Variants in EPHA6 observed in about 807,000 individuals in gnomAD.
EPHA6 encodes the protein EPH receptor A6.
EPHA6 carries 50 observed loss-of-function variants against 112.0 expected under a neutral mutation model. That is an observed-to-expected ratio of 0.45 (90% CI 0.36 to 0.56). The LOEUF (loss-of-function observed/expected upper bound fraction) is 0.56, where lower values mean the gene tolerates loss of function less well. Among genes scored for constraint, EPHA6 ranks in the 20% least tolerant of loss-of-function variants. The probability of loss-of-function intolerance (pLI) is 0.00; values close to 1 mark genes in which losing one functional copy is unlikely to be tolerated. For synonymous variants in EPHA6, 529 were observed against 490.7 expected, an observed-to-expected ratio of 1.08 and a Z score of -1.03; for missense variants, 1,280 against 1,417.4, an observed-to-expected ratio of 0.90 and a Z score of 1.56.
intron 2 of EPHA6, among the ~76,000 whole-genome samples, chr3:96,877,534 A>G (rs1229214198): frequency 1.3e-5 from 2 of 152,068 alleles, no homozygotes; most frequent in African/African-American, 2.4e-5. Context: ...TGTAATTAAG[A>G]TGAGAATAAA....
chr3:97,657,792 T>C lies in EPHA6; in HGVS notation c.2784+19710T>C, dbSNP rs141382269. Among the ~76,000 whole-genome samples the C allele has an allele frequency of 7.1e-4, 108 of 151,970 alleles. 2 individuals are homozygous for C. The East Asian group carries it at 0.02, about 29-fold the overall frequency. ...GCCCCTGAAATTCATTTTTATTCAG[T>C]ATGTCTGAGGGAAGAATAGCAAGAA... On this transcript the variant is annotated intron_variant, in intron 14 of 17. Transcript: ENST00000389672.
At chr3:97,727,445 G>A (rs9876681) in intron 15 of EPHA6, among the ~76,000 whole-genome samples, 149,263 of 152,118 alleles carry the variant, frequency 0.98, 73,253 homozygotes, top group East Asian at 0.99. Flanking sequence ...ACCTTTCTCA[G>A]TTATGGGTCA....
At chr3:97,324,869 A>T (rs1018126731) in intron 5 of EPHA6, among the ~76,000 whole-genome samples, 9 of 152,048 alleles carry the variant, frequency 5.9e-5, no homozygotes, top group African/African-American at 1.9e-4. Flanking sequence ...AGAAAAATAT[A>T]TGATGAATTT....
At chr3:97,624,007 T>C (rs1353672687) in intron 13 of EPHA6, among the ~76,000 whole-genome samples, 1 of 149,020 alleles carries the variant, frequency 6.7e-6, no homozygotes, top group East Asian at 1.9e-4. Context: ...GAATGTGAAT[T>C]CTAGGGTGGA....
At chr3:97,114,083 A>G (rs1343516913) in intron 3 of EPHA6, among the ~76,000 whole-genome samples, 1 of 152,106 alleles carries the variant, frequency 6.6e-6, no homozygotes, top group Non-Finnish European at 1.5e-5. Flanking sequence ...CTATTCATTC[A>G]GAATACAACA....
At chr3:97,174,496 A>C (rs1158607218) in intron 3 of EPHA6, among the ~76,000 whole-genome samples, 2 of 151,958 alleles carry the variant, frequency 1.3e-5, no homozygotes, top group Non-Finnish European at 2.9e-5. Flanking sequence ...TAGTGCTTGC[A>C]CTAATTTACA....
intron 15 of EPHA6, among the ~76,000 whole-genome samples, chr3:97,727,162 A>G (rs1238829625): frequency 6.6e-6 from 1 of 152,042 alleles, no homozygotes; most frequent in African/African-American, 2.4e-5. Flanking sequence ...GTTTACTAGA[A>G]AACAGGATGC....
At position 97,478,467 on chromosome 3, in the gene EPHA6, A is replaced by C. The variant is rs115255028; in HGVS notation, c.2004-827A>C. On this transcript the variant is annotated intron_variant, in intron 8 of 17. Transcript: ENST00000389672. ...CACTTCAAAGGAGAATTTAATGATG[A>C]AGAAAAATTTGTGCTAAATTATTTT... Among the ~76,000 whole-genome samples the C allele has an allele frequency of 5.3e-3, 807 of 152,242 alleles. 7 individuals are homozygous for C. Among genetic ancestry groups the C allele is most frequent in the African/African-American group, 0.018 (738 of 41,572 alleles).
chr3:97,496,421 C>G (rs554388285), intron 10 of EPHA6, among the ~76,000 whole-genome samples: 104 of 152,250 alleles, frequency 6.8e-4, no homozygotes, highest in African/African-American at 2.4e-3. Flanking sequence ...GTCTATTTTA[C>G]AGATACGAAA....
At chr3:96,984,926 C>G in intron 2 of EPHA6, among the ~76,000 whole-genome samples, 1 of 152,186 alleles carries the variant, frequency 6.6e-6, no homozygotes, top group East Asian at 1.9e-4. Flanking sequence ...GGGAGTGACC[C>G]AATTTTCCAG....
chr3:97,359,685 T>G (rs1168607226), intron 5 of EPHA6, among the ~76,000 whole-genome samples: 6 of 152,166 alleles, frequency 3.9e-5, no homozygotes, highest in Non-Finnish European at 5.9e-5. Flanking sequence ...AACTTGACAT[T>G]TGAATCTAAT....
At chr3:97,658,312 A>G (rs2094148595) in intron 14 of EPHA6, among the ~76,000 whole-genome samples, 1 of 151,688 alleles carries the variant, frequency 6.6e-6, no homozygotes, top group Non-Finnish European at 1.5e-5. Context: ...TAATGTATCC[A>G]TGACAATTAT....
intron 5 of EPHA6, among the ~76,000 whole-genome samples, chr3:97,393,278 T>G (rs1011432462): frequency 1.3e-5 from 2 of 151,836 alleles, no homozygotes; most frequent in African/African-American, 4.8e-5. Context: ...TTTTCCCTCA[T>G]ATTTCAAAGA....
intron 3 of EPHA6, among the ~76,000 whole-genome samples, chr3:97,203,270 A>G (rs2077627206): frequency 6.6e-6 from 1 of 152,146 alleles, no homozygotes; most frequent in Non-Finnish European, 1.5e-5. Flanking sequence ...AATTCAAGCA[A>G]GAAATCAAGG....
At chr3:97,337,345 A>AT (rs2083102530) in intron 5 of EPHA6, among the ~76,000 whole-genome samples, 1 of 152,142 alleles carries the variant, frequency 6.6e-6, no homozygotes, top group Non-Finnish European at 1.5e-5. Flanking sequence ...AATTCTTTTC[A>AT]TTAGTCCCAC....
At chr3:97,487,326 T>C (rs2107509117) in intron 10 of EPHA6, among the ~76,000 whole-genome samples, 1 of 152,326 alleles carries the variant, frequency 6.6e-6, no homozygotes, top group East Asian at 1.9e-4. Context: ...AAATGAGTTA[T>C]CAGAAATAAA....
chr3:97,428,395 A>G (rs956416102), intron 6 of EPHA6, among the ~76,000 whole-genome samples: 7 of 152,156 alleles, frequency 4.6e-5, no homozygotes, highest in African/African-American at 1.7e-4. Flanking sequence ...AATGTACAAT[A>G]TTGCTTATGA....
At chr3:97,442,470 C>CA (rs1247455570) in intron 6 of EPHA6, among the ~76,000 whole-genome samples, 1 of 152,090 alleles carries the variant, frequency 6.6e-6, no homozygotes, top group Non-Finnish European at 1.5e-5. Flanking sequence ...CCTGTAGTCA[C>CA]AGCTACTCGG....
chr3:96,948,534 A>C (rs550254665), intron 2 of EPHA6, among the ~76,000 whole-genome samples: 2 of 152,214 alleles, frequency 1.3e-5, no homozygotes, highest in Non-Finnish European at 2.9e-5. Flanking sequence ...TGGAAAAAAA[A>C]TGCTAAGTAT....
Sources: allele counts gnomAD v4.1 joint callset (sites outside exome capture counted in the v4.1 genomes callset), GRCh38; gene constraint gnomAD v4.1.1; transcripts MANE v1.5; gene names NCBI Gene and HGNC (gene_info 2026-07-23, HGNC 2026-07-21).